Variants in SULF2 observed in about 807,000 individuals in gnomAD.
The protein encoded by SULF2 is extracellular sulfatase Sulf-2.
Under a neutral mutation model 107.7 loss-of-function variants are expected in SULF2, and 52 were observed. The ratio of observed to expected loss-of-function variants is 0.48; its 90% CI spans 0.39 to 0.61. The LOEUF (loss-of-function observed/expected upper bound fraction) is 0.61. Ranked by LOEUF, SULF2 falls within the 20% of genes least tolerant of loss-of-function variation. The probability of loss-of-function intolerance (pLI) is 0.00; values close to 1 mark genes in which losing one functional copy is unlikely to be tolerated. For missense variants in SULF2, 993 were observed against 1,177.3 expected (o/e 0.84, Z 2.29); for synonymous variants, 460 against 464.3 (o/e 0.99, Z 0.12).
intron 3 of SULF2, among the ~76,000 whole-genome samples, chr20:47,724,993 G>A (rs1325460198): frequency 1.3e-5 from 2 of 152,126 alleles, no homozygotes. Flanking sequence ...GAAAATAAAA[G>A]GAAAGCAATT....
At chr20:47,708,093 G>A (rs1343064258) in intron 3 of SULF2, among the ~76,000 whole-genome samples, 1 of 152,186 alleles carries the variant, frequency 6.6e-6, no homozygotes, top group Admixed American at 6.5e-5. Context: ...GAGCTTCCCA[G>A]GCACTGGAAT....
chr20:47,784,528 C>T (rs6122615), intron 1 of SULF2, among the ~76,000 whole-genome samples: 23,261 of 151,842 alleles, frequency 0.15, 2,070 homozygotes, highest in South Asian at 0.23. Context: ...GCAGGCTTCC[C>T]TTTCCATCTT....
rs114494524 is a variant in SULF2 at position 47,711,090 on chromosome 20, G to C, written c.416-8420C>G. ...GATACTAAGCAAGCCACGGACAATGGGGGAGACAGAGGGCTCCTGCAACCA... is the reference window on the plus strand; with the variant it reads ...GATACTAAGCAAGCCACGGACAATGCGGGAGACAGAGGGCTCCTGCAACCA... On this transcript the variant is annotated intron_variant, in intron 3 of 20. Coordinates refer to ENST00000688720, the MANE Select transcript of SULF2 (RefSeq NM_001387048.1). 8.0e-3 allele frequency among the ~76,000 whole-genome samples: 1,226 copies of C among 152,324 alleles called. 16 individuals are homozygous for C. Among genetic ancestry groups the C allele is most frequent in the South Asian group, 0.033 (159 of 4,828 alleles).
intron 3 of SULF2, among the ~76,000 whole-genome samples, chr20:47,713,036 G>A (rs900237507): frequency 4.6e-5 from 7 of 152,074 alleles, no homozygotes; most frequent in African/African-American, 1.7e-4. Flanking sequence ...GCCAGACCCT[G>A]TCTGGGGGGC....
intron 3 of SULF2, among the ~76,000 whole-genome samples, chr20:47,728,154 G>A (rs1236421407): frequency 6.6e-6 from 1 of 152,206 alleles, no homozygotes; most frequent in East Asian, 1.9e-4. Flanking sequence ...ACAGGCCGGA[G>A]AGGGGGAGGG....
In SULF2 at chr20:47,672,274, G is replaced by A. The variant is rs773933966; in HGVS notation, c.1500C>T (p.Gly500=). ...SNLVPKYYGQ[G]SEACTCDSGD... ...CGCTGTCACAGGTGCAGGCCTCGCT[G>A]CCCTGCCCGTAGTACTTGGGCACGA... is the stretch of plus-strand genomic sequence containing the variant. The change falls in exon 11 of 21, where the codon GGC becomes GGT. Residue 500 remains glycine (G), a synonymous_variant. Transcript: ENST00000688720. 2.5e-6 allele frequency: 4 copies of A among 1,613,440 alleles called. No individual in the cohort carries two copies. The highest frequency in any genetic ancestry group is 2.2e-5 in the East Asian group (1 of 44,902).
intron 1 of SULF2, among the ~76,000 whole-genome samples, chr20:47,783,334 T>C (rs1277662730): frequency 3.3e-5 from 5 of 152,138 alleles, no homozygotes; most frequent in Non-Finnish European, 7.4e-5. Flanking sequence ...CAGAGTTGGG[T>C]GATATTCTGC....
intron 2 of SULF2, among the ~76,000 whole-genome samples, chr20:47,738,608 T>C (rs532922102): frequency 6.6e-6 from 1 of 152,352 alleles, no homozygotes; most frequent in Admixed American, 6.5e-5. Context: ...GTTTCCCCCA[T>C]ACTGTTCTCT....
rs146420870 is a variant in SULF2 at position 47,705,085 on chromosome 20, C to A, written c.416-2415G>T. Among the ~76,000 whole-genome samples, 955 of 152,296 alleles carry A rather than the reference C, an allele frequency of 6.3e-3. 17 individuals carry two copies. Among genetic ancestry groups the A allele is most frequent in the African/African-American group, 0.02 (835 of 41,564 alleles). On this transcript the variant is annotated intron_variant, in intron 3 of 20. Coordinates refer to ENST00000688720, the MANE Select transcript of SULF2 (RefSeq NM_001387048.1). The stretch of plus-strand genomic sequence containing the variant: ...AACCCAAGCGGCTGGATTCTGAAAC[C>A]CCCAAAATACAAGGCAAAGGGGAGC...
chr20:47,706,029 C>A (rs1057129737), intron 3 of SULF2, among the ~76,000 whole-genome samples: 5 of 152,026 alleles, frequency 3.3e-5, no homozygotes, highest in African/African-American at 1.2e-4. Context: ...GAACTCCTGA[C>A]CTCAAGTGAT....
intron 3 of SULF2, among the ~76,000 whole-genome samples, chr20:47,718,866 G>A (rs1423758451): frequency 2.6e-5 from 4 of 152,122 alleles, no homozygotes; most frequent in Non-Finnish European, 5.9e-5. Context: ...GAAAAGCTAC[G>A]GAATTACAAA....
intron 3 of SULF2, among the ~76,000 whole-genome samples, chr20:47,703,031 C>T (rs910176239): frequency 3.3e-5 from 5 of 152,174 alleles, no homozygotes; most frequent in Non-Finnish European, 7.3e-5. Context: ...ATTCTCCTGC[C>T]TCAGCCTCCC....
intron 3 of SULF2, among the ~76,000 whole-genome samples, chr20:47,733,294 T>C (rs2089656669): frequency 6.6e-6 from 1 of 152,198 alleles, no homozygotes; most frequent in Non-Finnish European, 1.5e-5. Context: ...TTGAAAAAAT[T>C]GATCAAATCC....
At chr20:47,724,414 C>T (rs926102761) in intron 3 of SULF2, among the ~76,000 whole-genome samples, 1 of 152,184 alleles carries the variant, frequency 6.6e-6, no homozygotes, top group Non-Finnish European at 1.5e-5. Context: ...GCGGGGGACA[C>T]CAAGGCCCTG....
chr20:47,704,719 G>A (rs901233020), intron 3 of SULF2, among the ~76,000 whole-genome samples: 7 of 152,218 alleles, frequency 4.6e-5, no homozygotes, highest in Admixed American at 3.9e-4. Context: ...GTATTGCTGA[G>A]AGCACAGAAT....
intron 3 of SULF2, among the ~76,000 whole-genome samples, chr20:47,725,182 A>G (rs1474254471): frequency 6.6e-6 from 1 of 152,246 alleles, no homozygotes; most frequent in East Asian, 1.9e-4. Context: ...TAGCACTGTC[A>G]TCGGGGATGG....
intron 10 of SULF2, among the ~76,000 whole-genome samples, chr20:47,676,121 C>A (rs2087631510): frequency 6.6e-6 from 1 of 152,186 alleles, no homozygotes; most frequent in Non-Finnish European, 1.5e-5. Flanking sequence ...TCTTATTACT[C>A]CTATAAAAGG....
In SULF2 at chr20:47,755,881, G is replaced by C. The variant is rs188611113; in HGVS notation, c.175+1308C>G. On this transcript the variant is annotated intron_variant, in intron 2 of 20. Transcript: ENST00000688720. ...CCTCAGCTTCATCTCTCTCCATCAC[G>C]GCCCCAGCTCCCTCCACTCCGGCTC... Among the ~76,000 whole-genome samples, 626 of 149,884 alleles carry C rather than the reference G, an allele frequency of 4.2e-3. 2 individuals carry two copies. The Middle Eastern group carries it at 0.043, about 10-fold the overall frequency.
At chr20:47,742,949 TTTTTTTTTG>T in intron 2 of SULF2, among the ~76,000 whole-genome samples, 1 of 141,712 alleles carries the variant, frequency 7.1e-6, no homozygotes. Context: ...TTTTTTTTTT[TTTTTTTTTG>T]CCATTCCTGA....
Sources: gnomAD v4.1 joint callset for allele counts (sites outside exome capture counted in the v4.1 genomes callset) on GRCh38, gnomAD v4.1.1 for gene constraint, MANE v1.5 for transcripts, NCBI Gene and HGNC (gene_info 2026-07-23, HGNC 2026-07-21) for gene names.